DRG2: variants seen among roughly 807,000 people sequenced by gnomAD.
The protein encoded by DRG2 is developmentally regulated GTP binding protein 2.
DRG2 carries 36 observed loss-of-function variants against 53.4 expected under a neutral mutation model. The observed-to-expected ratio is 0.67, with a 90% CI of 0.52 to 0.89. The LOEUF (loss-of-function observed/expected upper bound fraction) is 0.89, where lower values mean the gene tolerates loss of function less well. Among genes scored for constraint, DRG2 ranks in the 40% least tolerant of loss-of-function variants. The pLI, the probability that DRG2 is intolerant of heterozygous loss-of-function variation, is 0.00. For synonymous variants in DRG2, 167 were observed against 192.1 expected, an observed-to-expected ratio of 0.87 and a Z score of 1.08; for missense variants, 342 against 481.2, an observed-to-expected ratio of 0.71 and a Z score of 2.71.
chr17:18,092,226 G>A (rs542185232), intron 1 of DRG2, among the ~76,000 whole-genome samples: 2 of 152,318 alleles, frequency 1.3e-5, no homozygotes, highest in East Asian at 3.9e-4. Flanking sequence ...CACTTTGAGA[G>A]GCTGAGGCAG....
At position 18,100,752 on chromosome 17, in the gene DRG2, G is replaced by A; in HGVS notation, c.631+93G>A. 1.6e-6 allele frequency: 2 copies of A among 1,272,730 alleles called. No homozygotes were observed. Among genetic ancestry groups the A allele is most frequent in the South Asian group, 2.6e-5 (2 of 78,352 alleles). 78.8% of individuals were successfully genotyped at this position (1,272,730 alleles called of 1,614,324 possible). A position where few individuals can be genotyped will look rare whatever the true frequency, so the allele number is the denominator to read the frequency against. On this transcript the variant is annotated intron_variant, in intron 7 of 12. Coordinates refer to ENST00000225729, the MANE Select transcript of DRG2 (RefSeq NM_001388.5). This position sits in a 1 kb window ranked among gnomAD's most constrained non-coding sequence, Gnocchi z 4.1. ...AAGACAGGAGGCCTCATGGAGCAGG[G>A]TGGCAGCAGGTCACCCCCACTGCCC...
chr17:18,093,759 C>T, intron 1 of DRG2, 54 bp from the exon 2 acceptor site: 4 of 1,587,518 alleles, frequency 2.5e-6, no homozygotes, highest in Non-Finnish European at 3.4e-6. Flanking sequence ...CTGCCTGACC[C>T]CTGGGCTTGG....
rs571336613 is a variant in DRG2, at chr17:18,098,471, G to C, written c.315+112G>C. 28 of 952,954 alleles carry C rather than the reference G, an allele frequency of 2.9e-5. No individual in the cohort carries two copies. In the African/African-American group the frequency reaches 4.5e-4, roughly 15 times the overall value. The allele number at this position is 952,954 out of a possible 1,614,324, so 59.0% of individuals were successfully genotyped here. A position where few individuals can be genotyped will look rare whatever the true frequency, so the allele number is the denominator to read the frequency against. ...GGTGGATGTCCCCATGTCAGGACAG[G>C]CTCTGGACTGAGCTGCTTTGCCCTC... On this transcript the variant is annotated intron_variant, in intron 3 of 12. Transcript: ENST00000225729. The surrounding 1 kb of genome is among the most constrained non-coding windows in gnomAD (Gnocchi z 4.1).
rs2045471020 is a variant in DRG2 at position 18,098,433 on chromosome 17, G to C, written c.315+74G>C. On this transcript the variant is annotated intron_variant, in intron 3 of 12. Transcript: ENST00000225729. This position sits in a 1 kb window ranked among gnomAD's most constrained non-coding sequence, Gnocchi z 4.1. ...TTGGACTTGTGCCTGTGCCCACCCT[G>C]TGTGTGAGTCTGGGTGGATGTCCCC... The C allele has an allele frequency of 7.3e-7, 1 of 1,367,824 alleles. No homozygotes were observed. The highest frequency in any genetic ancestry group is 1.2e-5 in the South Asian group (1 of 85,178). 84.7% of individuals were successfully genotyped at this position (1,367,824 alleles called of 1,614,324 possible). A position where few individuals can be genotyped will look rare whatever the true frequency, so the allele number is the denominator to read the frequency against.
At chr17:18,104,488 G>A (rs2045592668) in intron 10 of DRG2, 135 bp from the exon 11 acceptor site, 2 of 1,501,606 alleles carry the variant, frequency 1.3e-6, no homozygotes, top group African/African-American at 1.4e-5. Context: ...GGGTGTGCTG[G>A]ATGTCAGGGG....
rs2045472019 is a variant in DRG2 at position 18,098,508 on chromosome 17, C to T, written c.315+149C>T. The T allele has an allele frequency of 9.0e-6, 6 of 669,744 alleles. No individual in the cohort carries two copies. The highest frequency in any genetic ancestry group is 1.0e-5 in the Non-Finnish European group (4 of 381,302). The allele number at this position is 669,744 out of a possible 1,614,324, so 41.5% of individuals were successfully genotyped here. The stretch of plus-strand genomic sequence containing the variant: ...GCTGCTTTGCCCTCCAGCACTGACA[C>T]TTCTGGGGATCCTAGCTGCTGGACC... On this transcript the variant is annotated intron_variant, in intron 3 of 12. Transcript: ENST00000225729. This position sits in a 1 kb window ranked among gnomAD's most constrained non-coding sequence, Gnocchi z 4.1.
In DRG2 at chr17:18,099,193, C is replaced by T. The variant is rs2045483443; in HGVS notation, c.376+116C>T. On this transcript the variant is annotated intron_variant, in intron 4 of 12. Coordinates refer to ENST00000225729, the MANE Select transcript of DRG2 (RefSeq NM_001388.5). This position sits in a 1 kb window ranked among gnomAD's most constrained non-coding sequence, Gnocchi z 4.4. ...ATCCCTGGTCCATTATCCCGCTTTC[C>T]AGAAAAGACAGGTTCCAGTTCAAAT... 2.2e-6 allele frequency: 3 copies of T among 1,360,170 alleles called. No individual in the cohort carries two copies. Among genetic ancestry groups the T allele is most frequent in the Non-Finnish European group, 3.1e-6 (3 of 979,274 alleles). The allele number at this position is 1,360,170 out of a possible 1,614,324, so 84.3% of individuals were successfully genotyped here.
Position 18,094,974 on chromosome 17 carries a change from CAAAAAAAAAAA to C in DRG2, c.225+1020_225+1030del, listed in dbSNP as rs1165321853. On this transcript the variant is annotated intron_variant, in intron 2 of 12. Transcript: ENST00000225729. ...GGGCAACAAGAGCAAAACTCCATCT[CAAAAAAAAAAA>C]AAAAAAAAAAAAAAAAAAGAAGGTT... Among the ~76,000 whole-genome samples the C allele has an allele frequency of 6.8e-3, 173 of 25,314 alleles. 4 individuals carry two copies. The Admixed American group carries it at 0.073, about 11-fold the overall frequency. 16.6% of individuals were successfully genotyped at this position (25,314 alleles called of 152,430 possible).
chr17:18,091,209 A>G (rs959588285), intron 1 of DRG2, among the ~76,000 whole-genome samples: 1 of 152,216 alleles, frequency 6.6e-6, no homozygotes, highest in Non-Finnish European at 1.5e-5. Context: ...ATTATAGCCA[A>G]CTTTTATTGG....
At chr17:18,097,072 G>A (rs1018180054) in intron 2 of DRG2, 3 of 152,108 alleles carry the variant, frequency 2.0e-5, no homozygotes, top group Admixed American at 6.5e-5. Flanking sequence ...CTGCCTTATT[G>A]GGAGTATAGG....
intron 2 of DRG2, among the ~76,000 whole-genome samples, chr17:18,094,864 C>T (rs1414421656): frequency 1.4e-5 from 2 of 143,860 alleles, no homozygotes; most frequent in Admixed American, 1.4e-4. Context: ...ATCTCAGTTA[C>T]TCGGGAGGCT....
Position 18,099,813 on chromosome 17 carries a change from GCT to G in DRG2, c.467+96_467+97del, listed in dbSNP as rs755036161. On this transcript the variant is annotated intron_variant, in intron 5 of 12. Coordinates refer to ENST00000225729, the MANE Select transcript of DRG2 (RefSeq NM_001388.5). This position sits in a 1 kb window ranked among gnomAD's most constrained non-coding sequence, Gnocchi z 4.4. ...GTACTAGGCGGCCTGTGGGTGTTTG[GCT>G]CTCTCACACGTGAGAGTAGTGGTAG... 6 of 1,330,216 alleles carry G rather than the reference GCT, an allele frequency of 4.5e-6. No individual in the cohort carries two copies. The highest frequency in any genetic ancestry group is 5.2e-6 in the Non-Finnish European group (5 of 953,786). 82.4% of individuals were successfully genotyped at this position (1,330,216 alleles called of 1,614,324 possible).
intron 1 of DRG2, among the ~76,000 whole-genome samples, chr17:18,093,244 C>A (rs2045364368): frequency 6.6e-6 from 1 of 152,184 alleles, no homozygotes; most frequent in African/African-American, 2.4e-5. Context: ...CCAGAATGCC[C>A]CCCAGGAAGC....
chr17:18,098,550 G>T lies in DRG2; in HGVS notation c.315+191G>T. On this transcript the variant is annotated intron_variant, in intron 3 of 12. Coordinates refer to ENST00000225729, the MANE Select transcript of DRG2 (RefSeq NM_001388.5). The surrounding 1 kb of genome is among the most constrained non-coding windows in gnomAD (Gnocchi z 4.1). ...TGCTGGACCCCAGAGATGCCTGGTGGGGCCTGGAACTAGGAGGTCAGGCCA... is the reference window on the plus strand; with the variant it reads ...TGCTGGACCCCAGAGATGCCTGGTGTGGCCTGGAACTAGGAGGTCAGGCCA... The T allele has an allele frequency of 1.8e-6, 1 of 554,096 alleles. No homozygotes were observed. The highest frequency in any genetic ancestry group is 3.3e-6 in the Non-Finnish European group (1 of 306,710). 34.3% of individuals were successfully genotyped at this position (554,096 alleles called of 1,614,324 possible).
chr17:18,104,605 C>G lies in DRG2; in HGVS notation c.896-18C>G. 1 of 1,613,756 alleles carries G rather than the reference C, an allele frequency of 6.2e-7. No homozygotes were observed. The highest frequency in any genetic ancestry group is 8.5e-7 in the Non-Finnish European group (1 of 1,179,992). On this transcript the variant is annotated intron_variant, in intron 10 of 12. Transcript: ENST00000225729. ...GGCCCTGATGTGTGGCTGACGTTCTCCCCATCCTGCCCTGCAGAGAGGCCA... is the reference window on the plus strand; with the variant it reads ...GGCCCTGATGTGTGGCTGACGTTCTGCCCATCCTGCCCTGCAGAGAGGCCA...
At chr17:18,102,133 C>T in intron 9 of DRG2, 136 bp downstream of exon 9, 2 of 877,218 alleles carry the variant, frequency 2.3e-6, no homozygotes, top group Non-Finnish European at 3.5e-6. Context: ...CGTCACGGAG[C>T]CCAGGACTTC....
Position 18,099,922 on chromosome 17 carries a change from T to C in DRG2, c.467+199T>C, listed in dbSNP as rs549750727. On this transcript the variant is annotated intron_variant, in intron 5 of 12. Coordinates refer to ENST00000225729, the MANE Select transcript of DRG2 (RefSeq NM_001388.5). This position sits in a 1 kb window ranked among gnomAD's most constrained non-coding sequence, Gnocchi z 4.4. ...CTTGTGTCCAGCCAGCACAGAGGTA[T>C]CTTGGGACTGGGGGCCGAGGGGCTT... 2 of 627,334 alleles carry C rather than the reference T, an allele frequency of 3.2e-6. No individual in the cohort carries two copies. The highest frequency in any genetic ancestry group is 5.6e-6 in the Non-Finnish European group (2 of 358,960). 38.9% of individuals were successfully genotyped at this position (627,334 alleles called of 1,614,324 possible).
intron 1 of DRG2, 74 bp from the exon 2 acceptor site, chr17:18,093,739 C>T: frequency 3.3e-6 from 5 of 1,533,406 alleles, no homozygotes; most frequent in Middle Eastern, 2.0e-4. Context: ...CACTTGGCGA[C>T]ATGTGGGCCC....
chr17:18,101,411 C>G (rs550716665), intron 7 of DRG2, 82 bp from the exon 8 acceptor site: 1 of 1,333,672 alleles, frequency 7.5e-7, no homozygotes, highest in Admixed American at 1.8e-5. Flanking sequence ...CAGCATATTT[C>G]CTGCTTGGCT....
Sources: allele counts gnomAD v4.1 joint callset (sites outside exome capture counted in the v4.1 genomes callset), GRCh38; gene constraint gnomAD v4.1.1; non-coding constraint Gnocchi (gnomAD v3.1); transcripts MANE v1.5; gene names NCBI Gene and HGNC (gene_info 2026-07-23, HGNC 2026-07-21).